COPG2: variants seen among roughly 807,000 people sequenced by gnomAD.
COPG2 encodes coatomer subunit gamma-2.
COPG2 carries 37 observed loss-of-function variants against 46.3 expected under a neutral mutation model. That is an observed-to-expected ratio of 0.80 (90% CI 0.61 to 1.05). The LOEUF (loss-of-function observed/expected upper bound fraction) is 1.05. Ranked by LOEUF, COPG2 falls within the 50% of genes least tolerant of loss-of-function variation. COPG2 has a pLI of 0.00. For synonymous variants in COPG2, 159 were observed against 129.7 expected (o/e 1.23, Z -1.53); for missense variants, 427 against 387.8 (o/e 1.10, Z -0.85).
rs1346659883 is a variant in COPG2 at position 130,506,495 on chromosome 7, A to C, written c.*181T>G. The C allele has an allele frequency of 2.0e-5, 9 of 441,368 alleles. No individual in the cohort carries two copies. The highest frequency in any genetic ancestry group is 1.8e-4 in the African/African-American group (9 of 48,706). 27.3% of individuals were successfully genotyped at this position (441,368 alleles called of 1,614,324 possible). On this transcript the variant is annotated 3_prime_UTR_variant, in exon 24 of 24. Transcript: ENST00000425248. ...CAAGTAGAATAAAAAGAAAAAAAAA[A>C]AAAAACAACCCATGCGCAAAGATAG...
At chr7:130,651,767 C>T (rs1181877335) in intron 5 of COPG2, among the ~76,000 whole-genome samples, 2 of 151,794 alleles carry the variant, frequency 1.3e-5, no homozygotes, top group Admixed American at 6.6e-5. Context: ...CCACCCGCCT[C>T]GGCCTCCCAA....
intron 9 of COPG2, chr7:130,610,590 C>T (rs1554451889): frequency 1.9e-6 from 1 of 525,636 alleles, no homozygotes; most frequent in South Asian, 1.4e-5. Context: ...TGATCTTAGG[C>T]AAATCACTAA....
intron 20 of COPG2, among the ~76,000 whole-genome samples, chr7:130,541,170 G>A (rs1309486164): frequency 6.6e-6 from 1 of 152,172 alleles, no homozygotes; most frequent in Non-Finnish European, 1.5e-5. Context: ...ATGACAGCGA[G>A]CAGATGGATG....
chr7:130,510,291 C>G (rs1799575123), intron 20 of COPG2: 3 of 511,634 alleles, frequency 5.9e-6, no homozygotes, highest in Non-Finnish European at 1.2e-5. Flanking sequence ...GAATCAATTT[C>G]AATGCCATTA....
chr7:130,535,452 G>A (rs1799869284), intron 20 of COPG2, among the ~76,000 whole-genome samples: 1 of 151,936 alleles, frequency 6.6e-6, no homozygotes, highest in East Asian at 1.9e-4. Context: ...AGGTCCCAGA[G>A]TAGGAACCAA....
intron 5 of COPG2, among the ~76,000 whole-genome samples, chr7:130,621,145 G>C (rs782628220): frequency 2.6e-5 from 4 of 152,150 alleles, no homozygotes; most frequent in Non-Finnish European, 5.9e-5. Context: ...GCTAGGATTC[G>C]AGGAATGCAA....
chr7:130,628,928 G>A (rs1320664235), intron 5 of COPG2, among the ~76,000 whole-genome samples: 3 of 152,120 alleles, frequency 2.0e-5, no homozygotes, highest in African/African-American at 4.8e-5. Context: ...TTCGCCTGTA[G>A]TCCTAGCTAC....
intron 9 of COPG2, among the ~76,000 whole-genome samples, chr7:130,578,724 G>A (rs955815306): frequency 8.5e-5 from 13 of 152,114 alleles, no homozygotes; most frequent in African/African-American, 1.2e-4. Context: ...GAGCCAATGC[G>A]ATCAACTGGA....
intron 9 of COPG2, among the ~76,000 whole-genome samples, chr7:130,591,252 C>T (rs1372526334): frequency 1.2e-4 from 15 of 124,988 alleles, no homozygotes; most frequent in African/African-American, 3.3e-4. Flanking sequence ...CCAGCCGCTC[C>T]GTCCGGGAGG....
intron 4 of COPG2, among the ~76,000 whole-genome samples, chr7:130,662,119 A>T (rs62473532): frequency 6.6e-6 from 1 of 152,050 alleles, no homozygotes. Context: ...TAGTAGAAGC[A>T]TCAGTCCTTT....
At chr7:130,563,088 A>G (rs1330087159) in intron 11 of COPG2, among the ~76,000 whole-genome samples, 181 bp downstream of exon 11, 2 of 152,234 alleles carry the variant, frequency 1.3e-5, no homozygotes, top group African/African-American at 4.8e-5. Flanking sequence ...ATGAGTTATA[A>G]TCTTCAGCTA....
chr7:130,553,226 C>G (rs1793561069), intron 14 of COPG2, among the ~76,000 whole-genome samples: 1 of 152,000 alleles, frequency 6.6e-6, no homozygotes, highest in Non-Finnish European at 1.5e-5. Context: ...CAAGAAGAGA[C>G]AAGGGAGAGA....
At chr7:130,508,417 G>C (rs1799539210) in intron 21 of COPG2, 145 bp downstream of exon 21, 1 of 605,118 alleles carries the variant, frequency 1.7e-6, no homozygotes, top group African/African-American at 1.8e-5. Flanking sequence ...GGTTAGTCCA[G>C]GTCCTCCTAA....
At chr7:130,638,852 T>A (rs1554456785) in intron 5 of COPG2, among the ~76,000 whole-genome samples, 1 of 152,204 alleles carries the variant, frequency 6.6e-6, no homozygotes, top group Non-Finnish European at 1.5e-5. Context: ...CCCAGGGCCC[T>A]GGTGGCGTAG....
chr7:130,654,011 G>GA (rs146649342), intron 4 of COPG2, among the ~76,000 whole-genome samples: 29,688 of 151,728 alleles, frequency 0.2, 3,090 homozygotes, highest in Middle Eastern at 0.25. Flanking sequence ...CTAGAGATAC[G>GA]AAAAAAATTT....
At chr7:130,571,293 G>A (rs1793893175) in intron 9 of COPG2, among the ~76,000 whole-genome samples, 1 of 151,832 alleles carries the variant, frequency 6.6e-6, no homozygotes, top group African/African-American at 2.4e-5. Flanking sequence ...TGCAAATGGT[G>A]CATCTGATAA....
intron 5 of COPG2, among the ~76,000 whole-genome samples, chr7:130,648,026 A>G (rs1795653647): frequency 6.6e-6 from 1 of 152,054 alleles, no homozygotes; most frequent in Non-Finnish European, 1.5e-5. Context: ...CACCGTGCCC[A>G]GCCTATCTCA....
At chr7:130,551,170 T>C (rs1793530578) in intron 16 of COPG2, 71 bp downstream of exon 16, 1 of 397,298 alleles carries the variant, frequency 2.5e-6, no homozygotes, top group African/African-American at 2.1e-5. Flanking sequence ...TTAGCTCATA[T>C]GCAAATCATA....
At chr7:130,616,201 AT>A (rs781948498) in intron 6 of COPG2, among the ~76,000 whole-genome samples, 1 of 152,016 alleles carries the variant, frequency 6.6e-6, no homozygotes, top group Non-Finnish European at 1.5e-5. Flanking sequence ...TCAGATATAT[AT>A]TTTTTTCCAA....
Sources: allele counts gnomAD v4.1 joint callset (sites outside exome capture counted in the v4.1 genomes callset), GRCh38; gene constraint gnomAD v4.1.1; transcripts MANE v1.5; gene names NCBI Gene and HGNC (gene_info 2026-07-23, HGNC 2026-07-21).